CSMD1: variants seen among roughly 807,000 people sequenced by gnomAD.
CSMD1 encodes CUB and Sushi multiple domains 1.
Under a neutral mutation model 417.5 loss-of-function variants are expected in CSMD1, and 213 were observed. The observed-to-expected ratio is 0.51, with a 90% CI of 0.46 to 0.57. CSMD1 has a LOEUF of 0.57. Among genes scored for constraint, CSMD1 ranks in the 20% least tolerant of loss-of-function variants. CSMD1 has a pLI of 0.00. For synonymous variants in CSMD1, 2,862 were observed against 1,736.8 expected, an observed-to-expected ratio of 1.65 and a Z score of -16.11; for missense variants, 6,923 against 4,529.7, an observed-to-expected ratio of 1.53 and a Z score of -15.17.
At chr8:3,358,799 T>C (rs899450217) in intron 21 of CSMD1, among the ~76,000 whole-genome samples, 3 of 152,190 alleles carry the variant, frequency 2.0e-5, no homozygotes, top group Admixed American at 2.0e-4. Flanking sequence ...TCAGAGGTTG[T>C]GTTATTATAG....
chr8:4,531,997 AC>A (rs1344342905), intron 2 of CSMD1, among the ~76,000 whole-genome samples: 1 of 142,146 alleles, frequency 7.0e-6, no homozygotes, highest in African/African-American at 2.6e-5. Context: ...GAAATCCTGC[AC>A]CCCCATTCAG....
At chr8:3,226,648 C>G (rs1798522342) in intron 27 of CSMD1, among the ~76,000 whole-genome samples, 1 of 149,170 alleles carries the variant, frequency 6.7e-6, no homozygotes, top group Admixed American at 6.7e-5. Flanking sequence ...TAGACTAAGT[C>G]AAAAAGCTAA....
At chr8:3,945,763 C>T (rs781515899) in intron 5 of CSMD1, among the ~76,000 whole-genome samples, 1 of 152,032 alleles carries the variant, frequency 6.6e-6, no homozygotes, top group Non-Finnish European at 1.5e-5. Context: ...TGGGCTGGAA[C>T]TGGAGATATG....
At chr8:3,336,692 G>T (rs1386254556) in intron 23 of CSMD1, among the ~76,000 whole-genome samples, 1 of 152,138 alleles carries the variant, frequency 6.6e-6, no homozygotes, top group Non-Finnish European at 1.5e-5. Flanking sequence ...CCCAGAGACT[G>T]TTCCCGATGT....
intron 10 of CSMD1, among the ~76,000 whole-genome samples, chr8:3,495,459 C>A (rs1298731928): frequency 6.6e-6 from 1 of 152,036 alleles, no homozygotes; most frequent in African/African-American, 2.4e-5. Flanking sequence ...GGAAAAAGGG[C>A]CATTCTGTAA....
At position 2,990,763 on chromosome 8, in the gene CSMD1, C is replaced by T. The variant is rs913125783; in HGVS notation, c.8377+7248G>A. ...CTCTCTACCCTGGAAGAGCGAGAAG[C>T]GATGATAATCCCCATGTATTTGTTC... On this transcript the variant is annotated intron_variant, in intron 54 of 69. Transcript: ENST00000635120. Among the ~76,000 whole-genome samples, 3 of 152,066 alleles carry T rather than the reference C, an allele frequency of 2.0e-5. 1 individual carries two copies. The highest frequency in any genetic ancestry group is 4.1e-4 in the South Asian group (2 of 4,824).
chr8:3,983,070 C>G (rs1172971871), intron 5 of CSMD1, among the ~76,000 whole-genome samples: 1 of 152,012 alleles, frequency 6.6e-6, no homozygotes, highest in Non-Finnish European at 1.5e-5. Context: ...GACTCTTTTC[C>G]CCAGGAGCCT....
chr8:4,972,249 A>T (rs538897897), intron 1 of CSMD1, among the ~76,000 whole-genome samples: 1 of 151,994 alleles, frequency 6.6e-6, no homozygotes, highest in African/African-American at 2.4e-5. Context: ...AAAACCATGG[A>T]ATGGGACACT....
chr8:2,958,613 T>A (rs567962170), intron 62 of CSMD1, among the ~76,000 whole-genome samples: 1 of 152,230 alleles, frequency 6.6e-6, no homozygotes, highest in Non-Finnish European at 1.5e-5. Context: ...GTTCTGTGTA[T>A]CTGCAGCATG....
chr8:3,056,554 G>A (rs373439001), intron 49 of CSMD1, among the ~76,000 whole-genome samples: 4 of 151,958 alleles, frequency 2.6e-5, no homozygotes, highest in South Asian at 2.1e-4. Flanking sequence ...TTTTTTTGGA[G>A]AGACTGAGTC....
intron 2 of CSMD1, among the ~76,000 whole-genome samples, chr8:4,600,479 C>T (rs1268010935): frequency 6.6e-6 from 1 of 152,154 alleles, no homozygotes; most frequent in Admixed American, 6.5e-5. Flanking sequence ...AGTCTGTTTA[C>T]AGATATAATA....
At chr8:4,627,277 C>G (rs1230804476) in intron 2 of CSMD1, among the ~76,000 whole-genome samples, 2 of 152,070 alleles carry the variant, frequency 1.3e-5, no homozygotes, top group Non-Finnish European at 2.9e-5. Context: ...AAAAGTAAAT[C>G]TTAAACAGAA....
intron 3 of CSMD1, among the ~76,000 whole-genome samples, chr8:4,318,180 T>C (rs568717354): frequency 1.2e-3 from 182 of 152,250 alleles, no homozygotes; most frequent in African/African-American, 3.9e-3. Flanking sequence ...TTACTATCCT[T>C]CTATGGGTTT....
intron 1 of CSMD1, among the ~76,000 whole-genome samples, chr8:4,778,246 A>G (rs1389248802): frequency 6.6e-6 from 1 of 152,224 alleles, no homozygotes; most frequent in Non-Finnish European, 1.5e-5. Context: ...AATCTATATC[A>G]GACATCAGCA....
At chr8:3,839,047 T>C (rs1302919436) in intron 5 of CSMD1, among the ~76,000 whole-genome samples, 1 of 127,790 alleles carries the variant, frequency 7.8e-6, no homozygotes, top group African/African-American at 2.8e-5. Context: ...ATTATATATA[T>C]AAAATATATA....
intron 3 of CSMD1, among the ~76,000 whole-genome samples, chr8:4,216,981 G>C (rs142703623): frequency 1.3e-5 from 2 of 152,100 alleles, no homozygotes; most frequent in Admixed American, 1.3e-4. Flanking sequence ...AGGTCCCCAC[G>C]GTTAAGACTT....
intron 3 of CSMD1, among the ~76,000 whole-genome samples, chr8:4,318,434 TG>T (rs1799064206): frequency 6.6e-6 from 1 of 152,062 alleles, no homozygotes; most frequent in Admixed American, 6.6e-5. Context: ...AGTAATATTG[TG>T]AAAATTACAT....
intron 1 of CSMD1, among the ~76,000 whole-genome samples, chr8:4,923,219 A>G (rs1408133959): frequency 6.6e-6 from 1 of 152,226 alleles, no homozygotes; most frequent in Admixed American, 6.5e-5. Flanking sequence ...AATAGTAGAC[A>G]CAAGTGTCCA....
rs1051587105 is a variant in CSMD1 at position 4,632,590 on chromosome 8, C to T, written c.302+4752G>A. On this transcript the variant is annotated intron_variant, in intron 2 of 69. Transcript: ENST00000635120. ...ACACATTCAGGGCACATTTCTTAGC[C>T]TCAGAGGATTATGTTCTATTAGACA... is the stretch of plus-strand genomic sequence containing the variant. 1.2e-4 allele frequency among the ~76,000 whole-genome samples: 18 copies of T among 152,162 alleles called. No homozygotes were observed. In the East Asian group the frequency reaches 2.9e-3, roughly 25 times the overall value.
Sources: allele counts gnomAD v4.1 joint callset (sites outside exome capture counted in the v4.1 genomes callset), GRCh38; gene constraint gnomAD v4.1.1; transcripts MANE v1.5; gene names NCBI Gene and HGNC (gene_info 2026-07-23, HGNC 2026-07-21).